The following ATRNL1 variants were observed in gnomAD, a reference collection of about 807,000 sequenced individuals.
The protein encoded by ATRNL1 is attractin-like protein 1.
ATRNL1 carries 95 observed loss-of-function variants against 182.7 expected under a neutral mutation model. The ratio of observed to expected loss-of-function variants is 0.52; its 90% CI spans 0.44 to 0.62. The LOEUF (loss-of-function observed/expected upper bound fraction) is 0.62, where lower values mean the gene tolerates loss of function less well. Among genes scored for constraint, ATRNL1 ranks in the 20% least tolerant of loss-of-function variants. ATRNL1 has a pLI of 0.00. For missense variants in ATRNL1, 1,471 were observed against 1,679.5 expected, an observed-to-expected ratio of 0.88 and a Z score of 2.17; for synonymous variants, 576 against 568.3, an observed-to-expected ratio of 1.01 and a Z score of -0.19.
intron 28 of ATRNL1, among the ~76,000 whole-genome samples, chr10:115,903,375 G>T (rs1952410214): frequency 6.6e-6 from 1 of 152,108 alleles, no homozygotes; most frequent in African/African-American, 2.4e-5. Context: ...CTTAAATCAG[G>T]CTCAGGAGCA....
intron 27 of ATRNL1, among the ~76,000 whole-genome samples, chr10:115,731,889 A>G (rs1947810992): frequency 7.0e-6 from 1 of 143,024 alleles, no homozygotes; most frequent in Admixed American, 7.3e-5. Context: ...ACTGTTTTGG[A>G]CATTTCATAC....
chr10:115,595,938 T>C (rs1856211266), intron 26 of ATRNL1, among the ~76,000 whole-genome samples: 1 of 152,168 alleles, frequency 6.6e-6, no homozygotes, highest in South Asian at 2.1e-4. Flanking sequence ...AACTACTTCA[T>C]CTCAAGTCAA....
At chr10:115,381,624 A>G (rs1293614830) in intron 19 of ATRNL1, among the ~76,000 whole-genome samples, 1 of 151,798 alleles carries the variant, frequency 6.6e-6, no homozygotes, top group Admixed American at 6.6e-5. Flanking sequence ...TACAAATAAG[A>G]AATACAAATT....
chr10:115,853,894 T>A (rs1057388823), intron 28 of ATRNL1, among the ~76,000 whole-genome samples: 1 of 152,194 alleles, frequency 6.6e-6, no homozygotes, highest in African/African-American at 2.4e-5. Context: ...TCAAAAAATA[T>A]CTGATATTAA....
intron 8 of ATRNL1, among the ~76,000 whole-genome samples, chr10:115,205,857 C>G (rs1176326322): frequency 6.6e-6 from 1 of 151,996 alleles, no homozygotes; most frequent in Non-Finnish European, 1.5e-5. Flanking sequence ...ATCAAGCATA[C>G]TTTAAAGAAC....
intron 21 of ATRNL1, among the ~76,000 whole-genome samples, chr10:115,429,894 C>T (rs372601123): frequency 2.6e-4 from 39 of 151,996 alleles, no homozygotes; most frequent in African/African-American, 9.2e-4. Flanking sequence ...GTTGAAACCC[C>T]GTCTCTACTA....
At position 115,411,559 on chromosome 10, in the gene ATRNL1, C is replaced by T. The variant is rs1845143430; in HGVS notation, c.3270-14691C>T. ...ATCTCTTTGCTTAGACACAGAAACC[C>T]TTTGAAATTACATTTTTAATTAAGC... On this transcript the variant is annotated intron_variant, in intron 20 of 28. Coordinates refer to ENST00000355044, the MANE Select transcript of ATRNL1 (RefSeq NM_207303.4). Among the ~76,000 whole-genome samples the T allele has an allele frequency of 1.4e-5, 2 of 144,036 alleles. 1 individual carries two copies. Among genetic ancestry groups the T allele is most frequent in the South Asian group, 4.4e-4 (2 of 4,576 alleles). 94.5% of individuals were successfully genotyped at this position (144,036 alleles called of 152,430 possible). A position where few individuals can be genotyped will look rare whatever the true frequency, so the allele number is the denominator to read the frequency against.
intron 21 of ATRNL1, among the ~76,000 whole-genome samples, chr10:115,440,947 C>A (rs1846643043): frequency 6.6e-6 from 1 of 151,770 alleles, no homozygotes; most frequent in Non-Finnish European, 1.5e-5. Context: ...ATAATTTTAC[C>A]TCCTACTTCA....
intron 27 of ATRNL1, among the ~76,000 whole-genome samples, chr10:115,843,336 T>C (rs1950853752): frequency 6.6e-6 from 1 of 152,046 alleles, no homozygotes; most frequent in African/African-American, 2.4e-5. Context: ...CCGGACCTGT[T>C]CTCAAGGAGC....
intron 28 of ATRNL1, among the ~76,000 whole-genome samples, chr10:115,905,020 A>G (rs1952459092): frequency 6.6e-6 from 1 of 152,150 alleles, no homozygotes; most frequent in Non-Finnish European, 1.5e-5. Flanking sequence ...TGCTTCATAA[A>G]TTACAGCTGA....
intron 28 of ATRNL1, among the ~76,000 whole-genome samples, chr10:115,868,772 C>CA (rs782748760): frequency 6.8e-6 from 1 of 147,558 alleles, no homozygotes. Context: ...AAATTGTTTT[C>CA]AAAGCCCACA....
At chr10:115,780,196 G>A (rs565207146) in intron 27 of ATRNL1, among the ~76,000 whole-genome samples, 39 of 152,306 alleles carry the variant, frequency 2.6e-4, no homozygotes, top group Non-Finnish European at 4.6e-4. Flanking sequence ...TGAACTCAGT[G>A]CTGCTCTGCC....
At chr10:115,405,167 T>C (rs78011954) in intron 20 of ATRNL1, among the ~76,000 whole-genome samples, 1,905 of 152,300 alleles carry the variant, frequency 0.013, 35 homozygotes, top group African/African-American at 0.043. Flanking sequence ...TATTTATTAT[T>C]AAGTTATCTT....
At chr10:115,546,706 C>T (rs988225361) in intron 25 of ATRNL1, among the ~76,000 whole-genome samples, 8 of 151,924 alleles carry the variant, frequency 5.3e-5, no homozygotes, top group South Asian at 2.1e-4. Context: ...GTTGGAAGGG[C>T]GACCTATATA....
intron 25 of ATRNL1, among the ~76,000 whole-genome samples, chr10:115,533,072 G>T (rs140993058): frequency 4.7e-4 from 71 of 152,156 alleles, no homozygotes; most frequent in Non-Finnish European, 8.4e-4. Flanking sequence ...TCTCTTTTTT[G>T]GTTGTGTCTC....
intron 24 of ATRNL1, among the ~76,000 whole-genome samples, chr10:115,509,327 T>G (rs1450388797): frequency 6.6e-6 from 1 of 151,994 alleles, no homozygotes; most frequent in African/African-American, 2.4e-5. Context: ...CTGATACGGT[T>G]TGGGTGGTGT....
In ATRNL1 at chr10:115,944,760, G is replaced by T. The variant is rs182259056; in HGVS notation, c.4121G>T (p.Arg1374Leu). 6.2e-7 allele frequency: 1 copy of T among 1,613,214 alleles called. No homozygotes were observed. Among genetic ancestry groups the T allele is most frequent in the African/African-American group, 1.3e-5 (1 of 74,978 alleles). Residue 1374 changes from arginine (R) to leucine (L), a missense_variant, in exon 29 of 29, where the codon CGT (arginine) becomes CTT (leucine). By Grantham distance (102) the Arg-to-Leu change is moderately radical. Around this residue, in one of 3 missense-constraint regions of ATRNL1, gnomAD observed 437 missense variants for 506.0 expected, o/e 0.86. Coordinates refer to ENST00000355044, the MANE Select transcript of ATRNL1 (RefSeq NM_207303.4). ...GVRNRKHLST[R>L]QGTCV ...CGGAATCGAAAACACCTTTCAACAC[G>T]TCAAGGAACTTGTGTCTGAGAAATG...
chr10:115,520,439 C>G (rs1850868243), intron 25 of ATRNL1, among the ~76,000 whole-genome samples: 1 of 152,174 alleles, frequency 6.6e-6, no homozygotes, highest in African/African-American at 2.4e-5. Context: ...TGCAACTTTT[C>G]TGCTATAGTG....
At chr10:115,504,302 C>G (rs1849998722) in intron 24 of ATRNL1, among the ~76,000 whole-genome samples, 1 of 151,908 alleles carries the variant, frequency 6.6e-6, no homozygotes, top group African/African-American at 2.4e-5. Flanking sequence ...TTGTTCATTC[C>G]TCGGTATTGG....
Sources: gnomAD v4.1 joint callset for allele counts (sites outside exome capture counted in the v4.1 genomes callset) on GRCh38, gnomAD v4.1.1 for gene constraint, gnomAD v4.1.1 regional missense constraint, MANE v1.5 for transcripts, NCBI Gene and HGNC (gene_info 2026-07-23, HGNC 2026-07-21) for gene names.